The following ASB16 variants were observed in gnomAD, a reference collection of about 807,000 sequenced individuals.
The protein encoded by ASB16 is ankyrin repeat and SOCS box protein 16.
In ASB16, 44 loss-of-function variants were observed where a neutral mutation model predicts 39.1. That is an observed-to-expected ratio of 1.13 (90% CI 0.88 to 1.45). The LOEUF is 1.45. Ranked by LOEUF, ASB16 falls within the 40% of genes most tolerant of loss-of-function variation. ASB16 has a pLI of 0.00. For missense variants in ASB16, 698 were observed against 634.5 expected (o/e 1.10, Z -1.07); for synonymous variants, 305 against 286.7 (o/e 1.06, Z -0.64).
chr17:44,178,529 G>A lies in ASB16; in HGVS notation c.*139G>A. On this transcript the variant is annotated 3_prime_UTR_variant, in exon 5 of 5. Transcript: ENST00000293414. ...ACTCTGTTGCCCAGGCTGGAGTGCA[G>A]TGGCGCTATCTCGGCTCACTGCAAC... is the stretch of plus-strand genomic sequence containing the variant. 1.1e-6 allele frequency: 1 copy of A among 949,802 alleles called. No individual in the cohort carries two copies. The highest frequency in any genetic ancestry group is 1.5e-6 in the Non-Finnish European group (1 of 653,756). The allele number at this position is 949,802 out of a possible 1,614,324, so 58.8% of individuals were successfully genotyped here. A position where few individuals can be genotyped will look rare whatever the true frequency, so the allele number is the denominator to read the frequency against.
In ASB16 at chr17:44,177,667, C is replaced by A. The variant is rs768466732; in HGVS notation, c.1121C>A (p.Pro374His). ...CTGGAAGTCCTGCTTAATGCCTATC[C>A]TTGTGTCCCATCCTGTGAGACCTGG... is the stretch of plus-strand genomic sequence containing the variant. ...RALEVLLNAY[P>H]CVPSCETWVE... The change falls in exon 4 of 5, where the codon CCT becomes CAT. Residue 374 changes from proline to histidine, a missense_variant. Coordinates refer to ENST00000293414, the MANE Select transcript of ASB16 (RefSeq NM_080863.5). The A allele has an allele frequency of 1.2e-6, 2 of 1,613,928 alleles. No individual in the cohort carries two copies. Among genetic ancestry groups the A allele is most frequent in the Non-Finnish European group, 8.5e-7 (1 of 1,179,866 alleles).
rs75036136 is a variant in ASB16, at chr17:44,176,821, C to T, written c.653C>T (p.Ala218Val). ...ESQETPLHVAAARGLEQHVAL... is the reference protein window; with the variant it reads ...ESQETPLHVAVARGLEQHVAL... ...CAGGAGACGCCCCTGCACGTGGCGG[C>T]GGCGCGCGGCCTGGAGCAACATGTG... Residue 218 changes from alanine (A) to valine (V), a missense_variant, in exon 3 of 5, where the codon GCG becomes GTG. By Grantham distance (64) the Ala-to-Val change is moderately conservative. Transcript: ENST00000293414. 969 of 1,612,292 alleles carry T rather than the reference C, an allele frequency of 6.0e-4. 8 individuals carry two copies. The African/African-American group carries it at 0.012, about 20-fold the overall frequency.
intron 2 of ASB16, among the ~76,000 whole-genome samples, chr17:44,174,674 G>A (rs917501354): frequency 6.6e-6 from 1 of 152,148 alleles, no homozygotes; most frequent in Non-Finnish European, 1.5e-5. Context: ...CCAAGAAGTG[G>A]TCCACATTTG....
At position 44,170,888 on chromosome 17, in the gene ASB16, C is replaced by T; in HGVS notation, c.99C>T (p.Ala33=). The T allele has an allele frequency of 3.1e-6, 5 of 1,611,922 alleles. No homozygotes were observed. The highest frequency in any genetic ancestry group is 4.2e-6 in the Non-Finnish European group (5 of 1,179,682). Residue 33 remains alanine, a synonymous_variant, in exon 1 of 5, where the codon GCC becomes GCT. Transcript: ENST00000293414. ...LEWEDRRRAA[A]QQCRSRRCPS... ...GGGAGGACCGGCGGCGGGCGGCTGC[C>T]CAGCAGTGCCGGAGCCGCAGGTGCC...
chr17:44,177,758 A>G (rs760641432), intron 4 of ASB16, 36 bp downstream of exon 4: 93 of 1,602,552 alleles, frequency 5.8e-5, no homozygotes, highest in East Asian at 6.7e-5. Context: ...GGGAGGAGGG[A>G]CGAGCCACAG....
At position 44,170,961 on chromosome 17, in the gene ASB16, G is replaced by A; in HGVS notation, c.172G>A (p.Asp58Asn). 1 of 1,613,910 alleles carries A rather than the reference G, an allele frequency of 6.2e-7. No homozygotes were observed. Among genetic ancestry groups the A allele is most frequent in the Non-Finnish European group, 8.5e-7 (1 of 1,180,026 alleles). The change falls in exon 1 of 5, where the codon GAC becomes AAC. Residue 58 changes from aspartate to asparagine, a missense_variant. Transcript: ENST00000293414. Reference protein sequence around the residue: ...RLTRPHRSCRDPAVHQALFSG... With the variant: ...RLTRPHRSCRNPAVHQALFSG... ...CACTAGGCCTCACCGTTCCTGCCGAGACCCAGCTGTCCACCAAGCCCTCTT... is the reference window on the plus strand; with the variant it reads ...CACTAGGCCTCACCGTTCCTGCCGAAACCCAGCTGTCCACCAAGCCCTCTT...
chr17:44,174,532 C>A (rs1485947749), intron 2 of ASB16, among the ~76,000 whole-genome samples: 1 of 151,998 alleles, frequency 6.6e-6, no homozygotes, highest in Non-Finnish European at 1.5e-5. Context: ...TTCTTGGAGT[C>A]CCTGCATGAG....
At chr17:44,177,389 G>A (rs895254579) in intron 3 of ASB16, 159 bp downstream of exon 3, 2 of 1,225,522 alleles carry the variant, frequency 1.6e-6, no homozygotes, top group African/African-American at 1.5e-5. Context: ...GAGGATTCTG[G>A]GAGAGAGAGT....
intron 2 of ASB16, among the ~76,000 whole-genome samples, 168 bp downstream of exon 2, chr17:44,172,481 A>G (rs2054251479): frequency 6.6e-6 from 1 of 152,180 alleles, no homozygotes; most frequent in South Asian, 2.1e-4. Flanking sequence ...TACAGATGAG[A>G]AAAATGAAGC....
rs75781143 is a variant in ASB16, at chr17:44,170,950, G to A, written c.161G>A (p.Arg54His). 1,334 of 1,613,658 alleles carry A rather than the reference G, an allele frequency of 8.3e-4. 10 individuals are homozygous for A. The African/African-American group carries it at 0.016, about 20-fold the overall frequency. Reference sequence around the variant, plus strand: ...CGGGCCCGACTCACTAGGCCTCACCGTTCCTGCCGAGACCCAGCTGTCCAC... The same window carrying A: ...CGGGCCCGACTCACTAGGCCTCACCATTCCTGCCGAGACCCAGCTGTCCAC... ...SPRARLTRPH[R>H]SCRDPAVHQA... is the part of the protein sequence containing the mutation. Residue 54 changes from arginine to histidine, a missense_variant, in exon 1 of 5, where the codon CGT (arginine) becomes CAT (histidine). By Grantham distance (29) the Arg-to-His change is conservative (BLOSUM62 0). Transcript: ENST00000293414.
At chr17:44,175,957 A>C (rs1250237863) in intron 2 of ASB16, 1 of 152,144 alleles carries the variant, frequency 6.6e-6, no homozygotes, top group African/African-American at 2.4e-5. Flanking sequence ...ACAGAAAGAA[A>C]ATATTATAAC....
chr17:44,176,615 C>T (rs2054293228), intron 2 of ASB16, 123 bp from the exon 3 acceptor site: 2 of 1,397,696 alleles, frequency 1.4e-6, no homozygotes, highest in Non-Finnish European at 2.0e-6. Context: ...GTATGATTCT[C>T]ATGGAGGACA....
chr17:44,177,615 A>T lies in ASB16; in HGVS notation c.1069A>T (p.Lys357Ter), dbSNP rs1422921242. Residue 357 changes from lysine (K) to a stop codon, truncating the protein, a stop_gained, in exon 4 of 5, where the codon AAA becomes TAA. Coordinates refer to ENST00000293414, the MANE Select transcript of ASB16 (RefSeq NM_080863.5). LOFTEE classifies it high-confidence loss of function. ...ACCCTCTTTTGACCCCTAGATGCTG[A>T]AACACTGCGCCAACTTCCCTCGGGC... The part of the protein sequence containing the change: ...GAQPVRPEML[K>*]HCANFPRALE... 3 of 1,613,542 alleles carry T rather than the reference A, an allele frequency of 1.9e-6. No homozygotes were observed. The highest frequency in any genetic ancestry group is 2.5e-6 in the Non-Finnish European group (3 of 1,179,696).
Position 44,170,949 on chromosome 17 carries a change from C to A in ASB16, c.160C>A (p.Arg54Ser), listed in dbSNP as rs754096340. The A allele has an allele frequency of 4.3e-6, 7 of 1,613,686 alleles. No homozygotes were observed. In the Admixed American group the frequency reaches 1.0e-4, roughly 23 times the overall value. Residue 54 changes from arginine to serine, a missense_variant, in exon 1 of 5, where the codon CGT becomes AGT. Coordinates refer to ENST00000293414, the MANE Select transcript of ASB16 (RefSeq NM_080863.5). The stretch of plus-strand genomic sequence containing the variant: ...CCGGGCCCGACTCACTAGGCCTCAC[C>A]GTTCCTGCCGAGACCCAGCTGTCCA... ...SPRARLTRPH[R>S]SCRDPAVHQA...
At chr17:44,175,536 AG>A (rs2054281377) in intron 2 of ASB16, among the ~76,000 whole-genome samples, 1 of 152,186 alleles carries the variant, frequency 6.6e-6, no homozygotes, top group Non-Finnish European at 1.5e-5. Context: ...TACAGAGCAA[AG>A]AACCTACCTG....
chr17:44,176,617 T>C (rs2054293262), intron 2 of ASB16, 121 bp from the exon 3 acceptor site: 2 of 1,411,320 alleles, frequency 1.4e-6, no homozygotes, highest in Non-Finnish European at 2.0e-6. Flanking sequence ...ATGATTCTCA[T>C]GGAGGACACC....
intron 2 of ASB16, among the ~76,000 whole-genome samples, chr17:44,175,519 T>G (rs2054281225): frequency 6.6e-6 from 1 of 151,494 alleles, no homozygotes; most frequent in Admixed American, 6.6e-5. Flanking sequence ...GCTACTCACA[T>G]CTTGGCTACA....
At chr17:44,174,170 A>G (rs2144183513) in intron 2 of ASB16, among the ~76,000 whole-genome samples, 1 of 151,278 alleles carries the variant, frequency 6.6e-6, no homozygotes, top group Non-Finnish European at 1.5e-5. Flanking sequence ...CTCCCGAGTA[A>G]CTGGGACTAC....
Position 44,178,376 on chromosome 17 carries a change from G to A in ASB16, c.1348G>A (p.Gly450Arg), listed in dbSNP as rs762143622. 1 of 1,601,122 alleles carries A rather than the reference G, an allele frequency of 6.2e-7. No individual in the cohort carries two copies. The highest frequency in any genetic ancestry group is 1.7e-5 in the Admixed American group (1 of 58,600). ...LRDYLLLRVE[G>R]CIQ Reference sequence around the variant, plus strand: ...GGACTACCTGCTGCTGCGTGTGGAGGGGTGCATCCAGTGAACCCCATGTCA... The same window carrying A: ...GGACTACCTGCTGCTGCGTGTGGAGAGGTGCATCCAGTGAACCCCATGTCA... Residue 450 changes from glycine (G) to arginine (R), a missense_variant, in exon 5 of 5, where the codon GGG becomes AGG. Physicochemically the swap from Gly to Arg is moderately radical, Grantham distance 125 (BLOSUM62 -2). Coordinates refer to ENST00000293414, the MANE Select transcript of ASB16 (RefSeq NM_080863.5).
Sources: allele counts gnomAD v4.1 joint callset (sites outside exome capture counted in the v4.1 genomes callset), GRCh38; gene constraint gnomAD v4.1.1; transcripts MANE v1.5; gene names NCBI Gene and HGNC (gene_info 2026-07-23, HGNC 2026-07-21).